Variants in CCDC171 observed in about 807,000 individuals in gnomAD.
CCDC171 encodes coiled-coil domain-containing protein 171.
In CCDC171, 177 loss-of-function variants were observed where a neutral mutation model predicts 168.2. The ratio of observed to expected loss-of-function variants is 1.05; its 90% CI spans 0.93 to 1.19. The LOEUF is 1.19. CCDC171 is among the 50% of genes most tolerant of loss of function. The probability of loss-of-function intolerance (pLI) is 0.00; values close to 1 mark genes in which losing one functional copy is unlikely to be tolerated. For synonymous variants in CCDC171, 687 were observed against 540.8 expected, an observed-to-expected ratio of 1.27 and a Z score of -3.75; for missense variants, 1,991 against 1,539.0, an observed-to-expected ratio of 1.29 and a Z score of -4.91.
At chr9:15,914,996 G>A (rs916405409) in intron 24 of CCDC171, among the ~76,000 whole-genome samples, 3 of 152,116 alleles carry the variant, frequency 2.0e-5, no homozygotes, top group East Asian at 3.9e-4. Flanking sequence ...ACCGGCCCCA[G>A]TGAGTTGAAC....
chr9:15,814,578 A>T (rs565642648), intron 21 of CCDC171, among the ~76,000 whole-genome samples: 54 of 152,194 alleles, frequency 3.5e-4, no homozygotes, highest in African/African-American at 1.3e-3. Flanking sequence ...TTGGGATTGA[A>T]ATACAATTGT....
At chr9:15,649,367 G>C (rs1481570506) in intron 7 of CCDC171, among the ~76,000 whole-genome samples, 2 of 152,104 alleles carry the variant, frequency 1.3e-5, no homozygotes, top group South Asian at 4.1e-4. Flanking sequence ...AACACCAAAA[G>C]CAATGGCAAC....
At chr9:15,615,278 A>C (rs1002351141) in intron 6 of CCDC171, among the ~76,000 whole-genome samples, 2 of 152,188 alleles carry the variant, frequency 1.3e-5, no homozygotes, top group African/African-American at 4.8e-5. Context: ...ACTTTTCTTC[A>C]TATAGAATTT....
intron 25 of CCDC171, among the ~76,000 whole-genome samples, chr9:15,966,093 C>CAT (rs2132712938): frequency 6.6e-6 from 1 of 152,148 alleles, no homozygotes; most frequent in East Asian, 1.9e-4. Context: ...ACTAAGTGCT[C>CAT]ATAGTTTTAT....
intron 21 of CCDC171, among the ~76,000 whole-genome samples, chr9:15,797,075 G>A (rs1244087946): frequency 6.6e-6 from 1 of 152,100 alleles, no homozygotes; most frequent in African/African-American, 2.4e-5. Flanking sequence ...AATTTTATCT[G>A]TTATAATGGG....
chr9:15,867,584 G>T (rs1039899101), intron 23 of CCDC171, among the ~76,000 whole-genome samples: 4 of 151,994 alleles, frequency 2.6e-5, no homozygotes, highest in Non-Finnish European at 5.9e-5. Context: ...TAGCTGTCTT[G>T]TGTGTCATTA....
At chr9:15,678,663 G>A (rs762694947) in intron 9 of CCDC171, 95 bp from the exon 10 acceptor site, 5 of 965,546 alleles carry the variant, frequency 5.2e-6, no homozygotes, top group Non-Finnish European at 7.5e-6. Flanking sequence ...ATGAACACAT[G>A]ATATGTAGTA....
At chr9:15,562,238 C>T (rs539062070) in intron 1 of CCDC171, among the ~76,000 whole-genome samples, 22 of 152,120 alleles carry the variant, frequency 1.4e-4, no homozygotes, top group Non-Finnish European at 2.6e-4. Flanking sequence ...TCGTGATCCA[C>T]CCACCTCGGC....
intron 25 of CCDC171, among the ~76,000 whole-genome samples, chr9:15,967,415 T>C (rs1272924901): frequency 6.6e-6 from 1 of 152,236 alleles, no homozygotes; most frequent in African/African-American, 2.4e-5. Flanking sequence ...TTGTGGCTAA[T>C]CTTGTTATCT....
chr9:15,984,431 T>A (rs371383364), intron 3 of CCDC171, among the ~76,000 whole-genome samples: 1 of 124,656 alleles, frequency 8.0e-6, no homozygotes, highest in Non-Finnish European at 1.6e-5. Context: ...CATATATATG[T>A]GTGTGTGTAT....
intron 3 of CCDC171, among the ~76,000 whole-genome samples, chr9:16,006,737 C>G (rs1371826127): frequency 6.6e-6 from 1 of 152,152 alleles, no homozygotes; most frequent in Non-Finnish European, 1.5e-5. Flanking sequence ...CAGCTTCATC[C>G]ATGTCCCTAC....
At chr9:15,879,579 G>A (rs991515353) in intron 24 of CCDC171, among the ~76,000 whole-genome samples, 1 of 151,486 alleles carries the variant, frequency 6.6e-6, no homozygotes, top group Non-Finnish European at 1.5e-5. Context: ...ACTTCTCTTG[G>A]GCCATACTAT....
chr9:15,851,330 T>C (rs949709466), intron 23 of CCDC171, among the ~76,000 whole-genome samples: 6 of 151,850 alleles, frequency 4.0e-5, no homozygotes, highest in African/African-American at 7.2e-5. Flanking sequence ...TAGTTTTTTT[T>C]CAAAGAAATG....
At chr9:15,585,640 A>C (rs1473365549) in intron 4 of CCDC171, among the ~76,000 whole-genome samples, 1 of 152,154 alleles carries the variant, frequency 6.6e-6, no homozygotes, top group Non-Finnish European at 1.5e-5. Context: ...GGTTGAAAGA[A>C]ATGTTCTGTA....
At chr9:15,813,900 G>C (rs930286204) in intron 21 of CCDC171, among the ~76,000 whole-genome samples, 3 of 152,130 alleles carry the variant, frequency 2.0e-5, no homozygotes, top group African/African-American at 7.2e-5. Flanking sequence ...TAATTTAGTT[G>C]AGTAATAGGA....
At chr9:16,097,089 A>T in the CCDC171 span, among the ~76,000 whole-genome samples, 1 of 152,182 alleles carries the variant, frequency 6.6e-6, no homozygotes, top group African/African-American at 2.4e-5. Flanking sequence ...TGCAAAATGG[A>T]GTAACACCCA....
At chr9:15,644,354 G>C (rs1356742100) in intron 7 of CCDC171, among the ~76,000 whole-genome samples, 2 of 152,186 alleles carry the variant, frequency 1.3e-5, no homozygotes, top group Non-Finnish European at 2.9e-5. Flanking sequence ...TTCCAACTGA[G>C]GTACTGGGTT....
rs910099022 is a variant in CCDC171, at chr9:15,802,249, A to T, written c.3267+17555A>T. Among the ~76,000 whole-genome samples the T allele has an allele frequency of 7.4e-4, 111 of 150,826 alleles. 1 individual carries two copies. Among genetic ancestry groups the T allele is most frequent in the African/African-American group, 2.5e-3 (102 of 40,446 alleles). On this transcript the variant is annotated intron_variant, in intron 21 of 25. Transcript: ENST00000380701. Reference sequence around the variant, plus strand: ...TTAAATTTATTTGTAAAATTTAATTAATTATTTTCAACTTTTAAGTTTAGG... The same window carrying T: ...TTAAATTTATTTGTAAAATTTAATTTATTATTTTCAACTTTTAAGTTTAGG...
intron 24 of CCDC171, chr9:15,883,019 TC>T (rs1563932725): frequency 1.3e-4 from 35 of 276,810 alleles, no homozygotes; most frequent in African/African-American, 4.8e-4. Flanking sequence ...CCTTCCTTCC[TC>T]CCCTCCCCTC....
Sources: gnomAD v4.1 joint callset for allele counts (sites outside exome capture counted in the v4.1 genomes callset) on GRCh38, gnomAD v4.1.1 for gene constraint, MANE v1.5 for transcripts, NCBI Gene and HGNC (gene_info 2026-07-23, HGNC 2026-07-21) for gene names.